CAMK1D: variants seen among roughly 807,000 people sequenced by gnomAD.
CAMK1D encodes calcium/calmodulin-dependent protein kinase type 1D.
In CAMK1D, 9 loss-of-function variants were observed where a neutral mutation model predicts 47.7. That is an observed-to-expected ratio of 0.19 (90% CI 0.11 to 0.33). CAMK1D has a LOEUF of 0.33. Among genes scored for constraint, CAMK1D ranks in the 10% least tolerant of loss-of-function variants. CAMK1D has a pLI of 1.00. For missense variants in CAMK1D, 291 were observed against 488.7 expected (o/e 0.60, Z 3.81); for synonymous variants, 184 against 184.9 (o/e 0.99, Z 0.04).
At chr10:12,474,005 A>G (rs549020496) in intron 1 of CAMK1D, among the ~76,000 whole-genome samples, 2 of 152,242 alleles carry the variant, frequency 1.3e-5, no homozygotes, top group East Asian at 3.9e-4. Flanking sequence ...ATGGCATTTA[A>G]TATTTGAATT....
intron 3 of CAMK1D, among the ~76,000 whole-genome samples, chr10:12,717,891 CAA>C (rs1181845465): frequency 9.5e-5 from 5 of 52,892 alleles, no homozygotes; most frequent in Admixed American, 6.2e-4. Flanking sequence ...GAGACCCTGT[CAA>C]AAAAAAAAAA....
chr10:12,643,147 G>GC (rs1481720832), intron 2 of CAMK1D, among the ~76,000 whole-genome samples: 16 of 152,078 alleles, frequency 1.1e-4, no homozygotes, highest in South Asian at 2.1e-4. Flanking sequence ...AATTACAGGC[G>GC]CCCCCCACCA....
intron 1 of CAMK1D, among the ~76,000 whole-genome samples, chr10:12,527,767 ACT>A (rs1835675328): frequency 6.6e-6 from 1 of 152,294 alleles, no homozygotes; most frequent in Admixed American, 6.5e-5. Context: ...TTTCGACTTC[ACT>A]GTCAATCTCT....
intron 3 of CAMK1D, among the ~76,000 whole-genome samples, chr10:12,710,126 T>C (rs1833880579): frequency 6.6e-6 from 1 of 152,230 alleles, no homozygotes; most frequent in African/African-American, 2.4e-5. Flanking sequence ...TATAAATGCT[T>C]AGAGCAGTAT....
At chr10:12,444,917 A>G (rs1321345072) in intron 1 of CAMK1D, among the ~76,000 whole-genome samples, 1 of 152,184 alleles carries the variant, frequency 6.6e-6, no homozygotes, top group Admixed American at 6.5e-5. Context: ...GGAACAGGAA[A>G]AGATGTGGAA....
intron 1 of CAMK1D, among the ~76,000 whole-genome samples, chr10:12,440,701 C>T (rs145853723): frequency 0.011 from 1,638 of 152,268 alleles, 66 homozygotes; most frequent in Admixed American, 0.082. Context: ...ATATGAGATA[C>T]GGTGTATGCC....
At chr10:12,382,563 A>C (rs936887948) in intron 1 of CAMK1D, among the ~76,000 whole-genome samples, 9 of 152,126 alleles carry the variant, frequency 5.9e-5, no homozygotes, top group African/African-American at 2.2e-4. Flanking sequence ...GGTGGCTCAC[A>C]CCTGTAATCT....
chr10:12,629,354 G>C (rs549063474), intron 2 of CAMK1D, among the ~76,000 whole-genome samples: 1 of 152,148 alleles, frequency 6.6e-6, no homozygotes, highest in Non-Finnish European at 1.5e-5. Context: ...CTTTGCACTC[G>C]ATGTAGTAAA....
intron 2 of CAMK1D, among the ~76,000 whole-genome samples, chr10:12,648,842 C>A (rs574941933): frequency 6.6e-6 from 1 of 152,030 alleles, no homozygotes; most frequent in South Asian, 2.1e-4. Context: ...TAGTGTTCAT[C>A]TGAAGAGATT....
intron 3 of CAMK1D, among the ~76,000 whole-genome samples, chr10:12,700,210 A>G (rs1175047021): frequency 6.6e-6 from 1 of 152,212 alleles, no homozygotes; most frequent in Non-Finnish European, 1.5e-5. Context: ...TAATAAAGAC[A>G]TACCAGAAAC....
At chr10:12,664,887 C>G (rs902238119) in intron 2 of CAMK1D, among the ~76,000 whole-genome samples, 3 of 152,130 alleles carry the variant, frequency 2.0e-5, no homozygotes, top group Non-Finnish European at 4.4e-5. Context: ...ATGAGCTGGA[C>G]TAAAAGAAAA....
chr10:12,828,675 A>AC, intron 10 of CAMK1D, 94 bp from the exon 11 acceptor site: 2 of 736,090 alleles, frequency 2.7e-6, no homozygotes, highest in Non-Finnish European at 4.4e-6. Flanking sequence ...CCCGCCCCCC[A>AC]CCATAAACCC....
intron 1 of CAMK1D, among the ~76,000 whole-genome samples, chr10:12,376,162 CAAAAAAAAAAAA>C (rs59804213): frequency 3.3e-5 from 2 of 59,988 alleles, no homozygotes; most frequent in Non-Finnish European, 5.5e-5. Flanking sequence ...GACTCTGTCC[CAAAAAAAAAAAA>C]AAAAAAAAAA....
Position 12,614,994 on chromosome 10 carries a change from G to A in CAMK1D, c.225-51742G>A, listed in dbSNP as rs541645379. 2.6e-5 allele frequency among the ~76,000 whole-genome samples: 4 copies of A among 152,322 alleles called. No individual in the cohort carries two copies. In the South Asian group the frequency reaches 8.3e-4, roughly 32 times the overall value. The stretch of plus-strand genomic sequence containing the variant: ...AACTCAGCAGGTGCCTGGACCTGGG[G>A]CTTCTCAGTGAAGATAACGTTGGAG... On this transcript the variant is annotated intron_variant, in intron 2 of 10. Coordinates refer to ENST00000619168, the MANE Select transcript of CAMK1D (RefSeq NM_153498.4).
intron 2 of CAMK1D, among the ~76,000 whole-genome samples, chr10:12,554,898 G>T (rs779154536): frequency 3.3e-5 from 5 of 152,070 alleles, no homozygotes; most frequent in African/African-American, 1.2e-4. Context: ...TTTCATAAGT[G>T]TGGTGTCCAC....
intron 3 of CAMK1D, among the ~76,000 whole-genome samples, chr10:12,701,305 T>G (rs1833509777): frequency 6.6e-6 from 1 of 152,146 alleles, no homozygotes. Context: ...GGCTTATTTG[T>G]GGAATTTATA....
intron 2 of CAMK1D, among the ~76,000 whole-genome samples, chr10:12,598,313 A>C (rs1433498244): frequency 6.6e-6 from 1 of 152,222 alleles, no homozygotes; most frequent in East Asian, 1.9e-4. Flanking sequence ...GTGGGTTCCC[A>C]CTTCAGCCTG....
chr10:12,734,083 G>A lies in CAMK1D; in HGVS notation c.300-26865G>A, dbSNP rs144240422. The stretch of plus-strand genomic sequence containing the variant: ...TGGCTCCTGCCTGTAAGCCCAGCAC[G>A]TGGGGAGTCCGAGGCGCGTGGATCA... On this transcript the variant is annotated intron_variant, in intron 3 of 10. Coordinates refer to ENST00000619168, the MANE Select transcript of CAMK1D (RefSeq NM_153498.4). 9.8e-4 allele frequency among the ~76,000 whole-genome samples: 149 copies of A among 151,648 alleles called. 3 individuals carry two copies. The South Asian group carries it at 0.021, about 21-fold the overall frequency.
At chr10:12,525,112 T>C (rs1835576948) in intron 1 of CAMK1D, among the ~76,000 whole-genome samples, 1 of 152,242 alleles carries the variant, frequency 6.6e-6, no homozygotes, top group African/African-American at 2.4e-5. Context: ...CACATTTTCC[T>C]GTAGATGGGT....
Sources: allele counts gnomAD v4.1 joint callset (sites outside exome capture counted in the v4.1 genomes callset), GRCh38; gene constraint gnomAD v4.1.1; transcripts MANE v1.5; gene names NCBI Gene and HGNC (gene_info 2026-07-23, HGNC 2026-07-21).